MYRIP: variants seen among roughly 807,000 people sequenced by gnomAD.
MYRIP encodes the protein rab effector MyRIP.
Under a neutral mutation model 98.0 loss-of-function variants are expected in MYRIP, and 49 were observed. The ratio of observed to expected loss-of-function variants is 0.50; its 90% CI spans 0.40 to 0.63. The LOEUF is 0.63. Among genes scored for constraint, MYRIP ranks in the 30% least tolerant of loss-of-function variants. The pLI is 0.00. For missense variants in MYRIP, 1,004 were observed against 1,058.2 expected (o/e 0.95, Z 0.71); for synonymous variants, 404 against 409.5 (o/e 0.99, Z 0.16).
chr3:40,135,398 T>C (rs1949741910), intron 3 of MYRIP, among the ~76,000 whole-genome samples: 1 of 152,228 alleles, frequency 6.6e-6, no homozygotes, highest in African/African-American at 2.4e-5. Flanking sequence ...AGACCAAATC[T>C]ACATCTGATT....
At chr3:40,017,699 T>C (rs1029975194) in intron 2 of MYRIP, among the ~76,000 whole-genome samples, 1 of 148,842 alleles carries the variant, frequency 6.7e-6, no homozygotes, top group African/African-American at 2.5e-5. Flanking sequence ...ACTTCTTTTT[T>C]TTTTTTTTTT....
chr3:40,054,111 A>G (rs980890835), intron 3 of MYRIP, among the ~76,000 whole-genome samples: 1 of 152,182 alleles, frequency 6.6e-6, no homozygotes, highest in Non-Finnish European at 1.5e-5. Flanking sequence ...AGTTGGTGGT[A>G]TCCACTGAAT....
intron 16 of MYRIP, among the ~76,000 whole-genome samples, chr3:40,255,431 TTTATG>T (rs1953548275): frequency 6.6e-6 from 1 of 152,216 alleles, no homozygotes; most frequent in Admixed American, 6.5e-5. Flanking sequence ...AATGGTTTAT[TTTATG>T]TTATGTGGCT....
intron 2 of MYRIP, among the ~76,000 whole-genome samples, chr3:39,958,144 A>C (rs1431841987): frequency 1.3e-5 from 2 of 152,222 alleles, no homozygotes; most frequent in Non-Finnish European, 2.9e-5. Context: ...CTATCAAGCT[A>C]CCAATGACTT....
chr3:40,190,488 T>C lies in MYRIP; in HGVS notation c.1665+25T>C, dbSNP rs200447899. Reference sequence around the variant, plus strand: ...GGTAATGGAAGTGCATGCGTGCAAATGCACACACACTCTTTAGGTAGGATG... The same window carrying C: ...GGTAATGGAAGTGCATGCGTGCAAACGCACACACACTCTTTAGGTAGGATG... On this transcript the variant is annotated intron_variant, in intron 10 of 16. Transcript: ENST00000302541. The C allele has an allele frequency of 1.2e-4, 192 of 1,554,460 alleles. 1 individual carries two copies. The highest frequency in any genetic ancestry group is 1.1e-4 in the Admixed American group (6 of 53,178).
At chr3:39,826,004 A>C (rs1941250481) in intron 1 of MYRIP, among the ~76,000 whole-genome samples, 1 of 151,916 alleles carries the variant, frequency 6.6e-6, no homozygotes, top group South Asian at 2.1e-4. Context: ...GAGCCTTTGC[A>C]TTTTGGTGAT....
intron 10 of MYRIP, among the ~76,000 whole-genome samples, chr3:40,205,209 G>T (rs771043677): frequency 6.6e-6 from 1 of 152,110 alleles, no homozygotes; most frequent in African/African-American, 2.4e-5. Context: ...CTTCTCTCTG[G>T]ATTTCAATAG....
chr3:40,096,627 C>G (rs1276691573), intron 3 of MYRIP, among the ~76,000 whole-genome samples: 2 of 152,166 alleles, frequency 1.3e-5, no homozygotes, highest in Non-Finnish European at 2.9e-5. Flanking sequence ...CATGATCTCA[C>G]TAGGAGGACT....
At chr3:40,229,820 A>T (rs1280534588) in intron 11 of MYRIP, among the ~76,000 whole-genome samples, 1 of 152,194 alleles carries the variant, frequency 6.6e-6, no homozygotes, top group African/African-American at 2.4e-5. Flanking sequence ...GGTGAGCATC[A>T]GTCAGCAGGA....
chr3:39,871,840 T>C (rs1234692758), intron 1 of MYRIP, among the ~76,000 whole-genome samples: 1 of 152,058 alleles, frequency 6.6e-6, no homozygotes, highest in East Asian at 1.9e-4. Flanking sequence ...TCAAGTGTTA[T>C]TAGCATGAAG....
At chr3:39,872,868 G>C (rs562095656) in intron 1 of MYRIP, among the ~76,000 whole-genome samples, 1 of 152,168 alleles carries the variant, frequency 6.6e-6, no homozygotes, top group African/African-American at 2.4e-5. Context: ...TGGGATGGCT[G>C]GGTCAAATGG....
intron 4 of MYRIP, among the ~76,000 whole-genome samples, chr3:40,151,651 C>A (rs753944761): frequency 2.6e-5 from 4 of 152,156 alleles, no homozygotes; most frequent in Non-Finnish European, 5.9e-5. Flanking sequence ...GTGTCAGCTT[C>A]CTCCCAGGAA....
At chr3:40,145,258 GA>G (rs1395579516) in intron 3 of MYRIP, among the ~76,000 whole-genome samples, 1 of 152,152 alleles carries the variant, frequency 6.6e-6, no homozygotes, top group African/African-American at 2.4e-5. Flanking sequence ...ATAATGCAAG[GA>G]AAACTTTTGG....
intron 2 of MYRIP, among the ~76,000 whole-genome samples, chr3:39,906,437 G>C (rs186062587): frequency 6.6e-6 from 1 of 152,208 alleles, no homozygotes. Context: ...TGCTTCTAGT[G>C]TTCCTCCATT....
At chr3:40,015,351 C>T (rs1329778114) in intron 2 of MYRIP, among the ~76,000 whole-genome samples, 1 of 152,108 alleles carries the variant, frequency 6.6e-6, no homozygotes, top group African/African-American at 2.4e-5. Flanking sequence ...GGAGCAAGGG[C>T]CAAGTGGAGA....
In MYRIP at chr3:40,243,541, T is replaced by C. The variant is rs556733799; in HGVS notation, c.2101-905T>C. ...CATTCAAATCAACTCTAAATTGCTG[T>C]GATTACAGGTTTAGGATTTTATATA... On this transcript the variant is annotated intron_variant, in intron 12 of 16. Transcript: ENST00000302541. Among the ~76,000 whole-genome samples the C allele has an allele frequency of 1.2e-3, 176 of 152,332 alleles. 3 individuals are homozygous for C. In the South Asian group the frequency reaches 0.015, roughly 13 times the overall value.
chr3:39,913,530 T>TA (rs1428660067), intron 2 of MYRIP, among the ~76,000 whole-genome samples: 1 of 152,192 alleles, frequency 6.6e-6, no homozygotes, highest in Non-Finnish European at 1.5e-5. Flanking sequence ...AACTTCTGCC[T>TA]AAAAACTCAG....
chr3:40,066,948 G>A (rs911177242), intron 3 of MYRIP, among the ~76,000 whole-genome samples: 2 of 152,126 alleles, frequency 1.3e-5, no homozygotes, highest in African/African-American at 2.4e-5. Context: ...TCTTCATGTA[G>A]AAGGCAACTT....
intron 3 of MYRIP, among the ~76,000 whole-genome samples, chr3:40,137,525 C>T (rs963534316): frequency 4.6e-5 from 7 of 152,216 alleles, no homozygotes; most frequent in African/African-American, 1.7e-4. Context: ...TCCTCCCTAA[C>T]TCATTTTATG....
Sources: allele counts gnomAD v4.1 joint callset (sites outside exome capture counted in the v4.1 genomes callset), GRCh38; gene constraint gnomAD v4.1.1; transcripts MANE v1.5; gene names NCBI Gene and HGNC (gene_info 2026-07-23, HGNC 2026-07-21).